Variants in RXFP1 observed in about 807,000 individuals in gnomAD.
RXFP1 encodes relaxin family peptide receptor 1, also known as relaxin receptor 1.
Under a neutral mutation model 89.8 loss-of-function variants are expected in RXFP1, and 73 were observed. That is an observed-to-expected ratio of 0.81 (90% CI 0.67 to 0.99). RXFP1 has a LOEUF of 0.99. Ranked by LOEUF, RXFP1 falls within the 50% of genes least tolerant of loss-of-function variation. The pLI is 0.00. For synonymous variants in RXFP1, 277 were observed against 305.5 expected (o/e 0.91, Z 0.97); for missense variants, 793 against 895.5 (o/e 0.89, Z 1.46).
At chr4:158,635,659 T>G (rs1043237475) in intron 12 of RXFP1, among the ~76,000 whole-genome samples, 1 of 152,144 alleles carries the variant, frequency 6.6e-6, no homozygotes, top group Admixed American at 6.5e-5. Context: ...TATACATCCT[T>G]TATTATGTGA....
chr4:158,608,168 C>T (rs1762862031), intron 6 of RXFP1, 125 bp downstream of exon 6: 1 of 597,900 alleles, frequency 1.7e-6, no homozygotes, highest in Non-Finnish European at 2.9e-6. Flanking sequence ...GCTGAAGGGG[C>T]AGTAGAGCAC....
At chr4:158,542,852 G>A (rs958072791) in intron 1 of RXFP1, among the ~76,000 whole-genome samples, 5 of 152,202 alleles carry the variant, frequency 3.3e-5, no homozygotes, top group African/African-American at 1.2e-4. Flanking sequence ...ACAAACAGAA[G>A]GACCAAGCAA....
At chr4:158,618,437 T>TTAAAATTAAAAATA (rs1220149483) in intron 9 of RXFP1, among the ~76,000 whole-genome samples, 1 of 152,006 alleles carries the variant, frequency 6.6e-6, no homozygotes, top group Non-Finnish European at 1.5e-5. Flanking sequence ...ACTAAAAAAA[T>TTAAAATTAAAAATA]TAAAATTAAA....
At position 158,521,918 on chromosome 4, in the gene RXFP1, T is replaced by C; in HGVS notation, c.-59T>C. 4.1e-6 allele frequency: 5 copies of C among 1,214,998 alleles called. No individual in the cohort carries two copies. The South Asian group carries it at 6.2e-5, about 15-fold the overall frequency. The allele number at this position is 1,214,998 out of a possible 1,614,324, so 75.3% of individuals were successfully genotyped here. On this transcript the variant is annotated 5_prime_UTR_variant, in exon 1 of 18. Coordinates refer to ENST00000307765, the MANE Select transcript of RXFP1 (RefSeq NM_021634.4). ...ACAACCACTGTGAGCTGTATGCGAT[T>C]CAGAAACCAAGACCAAATTTTGCTC...
In RXFP1 at chr4:158,652,072, T is replaced by C; in HGVS notation, c.*17T>C. 6.3e-7 allele frequency: 1 copy of C among 1,591,016 alleles called. No homozygotes were observed. Among genetic ancestry groups the C allele is most frequent in the Non-Finnish European group, 8.6e-7 (1 of 1,166,442 alleles). ...TATTCATGACTGACTCTGAAATTCA[T>C]TTCTTCGCAGAGAATACTGTGGGGG... On this transcript the variant is annotated 3_prime_UTR_variant, in exon 18 of 18. Coordinates refer to ENST00000307765, the MANE Select transcript of RXFP1 (RefSeq NM_021634.4).
intron 1 of RXFP1, among the ~76,000 whole-genome samples, chr4:158,534,684 A>G (rs1744864508): frequency 1.3e-5 from 2 of 152,000 alleles, no homozygotes; most frequent in African/African-American, 4.8e-5. Context: ...CTGAAAGGTA[A>G]TGTTTTCTCA....
intron 12 of RXFP1, among the ~76,000 whole-genome samples, chr4:158,636,826 G>A (rs918565397): frequency 6.6e-6 from 1 of 152,168 alleles, no homozygotes; most frequent in African/African-American, 2.4e-5. Flanking sequence ...TAGTCAGCAT[G>A]TTACACAATA....
In RXFP1 at chr4:158,572,757, A is replaced by C. The variant is rs1265030259; in HGVS notation, c.109A>C (p.Ile37Leu). The C allele has an allele frequency of 6.2e-7, 1 of 1,614,194 alleles. No homozygotes were observed. Among genetic ancestry groups the C allele is most frequent in the South Asian group, 1.1e-5 (1 of 91,082 alleles). ...CSLGYFPCGN[I>L]TKCLPQLLHC... The stretch of plus-strand genomic sequence containing the variant: ...CCTTGGCTATTTCCCCTGTGGGAAC[A>C]TCACAAAGTGCTTGCCTCAGCTCCT... The change falls in exon 2 of 18, where the codon ATC becomes CTC. Residue 37 changes from isoleucine (I) to leucine (L), a missense_variant. Physicochemically the swap from Ile to Leu is conservative, Grantham distance 5 (BLOSUM62 2). Coordinates refer to ENST00000307765, the MANE Select transcript of RXFP1 (RefSeq NM_021634.4).
Position 158,626,689 on chromosome 4 carries a change from A to G in RXFP1, c.756-131A>G. 4 of 498,518 alleles carry G rather than the reference A, an allele frequency of 8.0e-6. No homozygotes were observed. In the South Asian group the frequency reaches 1.2e-4, roughly 15 times the overall value. 30.9% of individuals were successfully genotyped at this position (498,518 alleles called of 1,614,324 possible). ...AATTTCAGCTGTAATAGAAATGGCT[A>G]CAAGTGAGAGTCTATATGAAATAAA... On this transcript the variant is annotated intron_variant, in intron 9 of 17. Coordinates refer to ENST00000307765, the MANE Select transcript of RXFP1 (RefSeq NM_021634.4).
At chr4:158,638,405 A>T (rs899579817) in intron 13 of RXFP1, among the ~76,000 whole-genome samples, 2 of 152,184 alleles carry the variant, frequency 1.3e-5, no homozygotes, top group Admixed American at 1.3e-4. Context: ...AATTTATTAT[A>T]AGTGTTTTTA....
chr4:158,637,329 A>C (rs1264041352), intron 12 of RXFP1, among the ~76,000 whole-genome samples: 1 of 152,176 alleles, frequency 6.6e-6, no homozygotes, highest in Non-Finnish European at 1.5e-5. Flanking sequence ...ACTATTTTCC[A>C]TAATGGTTGT....
At chr4:158,605,646 C>A (rs921129564) in intron 5 of RXFP1, among the ~76,000 whole-genome samples, 8 of 152,150 alleles carry the variant, frequency 5.3e-5, no homozygotes, top group Non-Finnish European at 1.2e-4. Context: ...TTGTGAGTTG[C>A]GTTTTATTTT....
intron 12 of RXFP1, among the ~76,000 whole-genome samples, chr4:158,634,991 G>C (rs1768867038): frequency 6.6e-6 from 1 of 151,784 alleles, no homozygotes; most frequent in Non-Finnish European, 1.5e-5. Flanking sequence ...CTTTTTTCAA[G>C]ATTGTTTGGC....
chr4:158,611,063 G>A (rs1260125055), intron 6 of RXFP1, among the ~76,000 whole-genome samples: 1 of 152,216 alleles, frequency 6.6e-6, no homozygotes, highest in Non-Finnish European at 1.5e-5. Context: ...TGGAGTAAGA[G>A]GCGTGAGCAG....
chr4:158,627,504 G>GGT (rs35872724), intron 10 of RXFP1, among the ~76,000 whole-genome samples: 3,594 of 143,382 alleles, frequency 0.025, 71 homozygotes, highest in African/African-American at 0.048. Flanking sequence ...TGAGCCTTAG[G>GGT]GTGTGTGTGT....
intron 16 of RXFP1, 104 bp downstream of exon 16, chr4:158,647,305 G>T: frequency 1.1e-6 from 1 of 919,988 alleles, no homozygotes; most frequent in South Asian, 1.9e-5. Flanking sequence ...CCCCAGCAAG[G>T]ATTTTCCTCC....
intron 8 of RXFP1, among the ~76,000 whole-genome samples, chr4:158,615,931 A>C (rs1764477984): frequency 1.3e-5 from 2 of 152,164 alleles, no homozygotes; most frequent in African/African-American, 4.8e-5. Context: ...CAGCCTGGAC[A>C]ACAAGGCAAG....
chr4:158,542,471 T>C (rs575495332), intron 1 of RXFP1, among the ~76,000 whole-genome samples: 1 of 152,140 alleles, frequency 6.6e-6, no homozygotes, highest in Admixed American at 6.5e-5. Flanking sequence ...ACCATAAAAA[T>C]ACAGCAAGGA....
At chr4:158,634,963 A>G (rs112058495) in intron 12 of RXFP1, among the ~76,000 whole-genome samples, 7 of 151,982 alleles carry the variant, frequency 4.6e-5, no homozygotes, top group Middle Eastern at 3.4e-3. Flanking sequence ...GTGGTGTAAA[A>G]TCTCCAATTT....
Sources: gnomAD v4.1 joint callset for allele counts (sites outside exome capture counted in the v4.1 genomes callset) on GRCh38, gnomAD v4.1.1 for gene constraint, MANE v1.5 for transcripts, NCBI Gene and HGNC (gene_info 2026-07-23, HGNC 2026-07-21) for gene names.